The following MREG variants were observed in gnomAD, a reference collection of about 807,000 sequenced individuals.
MREG encodes the protein dilute suppressor protein homolog.
In MREG, 31 loss-of-function variants were observed where a neutral mutation model predicts 28.5. The ratio of observed to expected loss-of-function variants is 1.09; its 90% CI spans 0.82 to 1.47. The LOEUF (loss-of-function observed/expected upper bound fraction) is 1.47. Among genes scored for constraint, MREG ranks in the 40% most tolerant of loss-of-function variants. The probability of loss-of-function intolerance (pLI) is 0.00; values close to 1 mark genes in which losing one functional copy is unlikely to be tolerated. For synonymous variants in MREG, 106 were observed against 95.2 expected (o/e 1.11, Z -0.66); for missense variants, 256 against 257.4 (o/e 0.99, Z 0.04).
At chr2:215,993,938 A>G (rs1327699220) in intron 2 of MREG, among the ~76,000 whole-genome samples, 1 of 152,242 alleles carries the variant, frequency 6.6e-6, no homozygotes, top group African/African-American at 2.4e-5. Flanking sequence ...ATGTGGAGAA[A>G]TAGGAACACT....
At chr2:216,015,140 T>TGTGCGCGCATGTGTGCGCGCGTGCGG (rs55809422), upstream of MREG, among the ~76,000 whole-genome samples, 4 of 151,616 alleles carry the variant, frequency 2.6e-5, no homozygotes, top group African/African-American at 9.7e-5. Flanking sequence ...CGCGCGTGCG[T>TGTGCGCGCATGTGTGCGCGCGTGCGG]CTGTGCGTGC....
Position 216,009,696 on chromosome 2 carries a change from C to T in MREG, c.95+3537G>A, listed in dbSNP as rs1033975129. 5.9e-5 allele frequency among the ~76,000 whole-genome samples: 9 copies of T among 152,230 alleles called. No individual in the cohort carries two copies. In the East Asian group the frequency reaches 7.7e-4, roughly 13 times the overall value. On this transcript the variant is annotated intron_variant, in intron 1 of 4. Coordinates refer to ENST00000263268, the MANE Select transcript of MREG (RefSeq NM_018000.3). ...GATTACAGGTGCCCGCCACCACACCCGGCTAATTTTTTTTATTTTTAATAG... is the reference window on the plus strand; with the variant it reads ...GATTACAGGTGCCCGCCACCACACCTGGCTAATTTTTTTTATTTTTAATAG...
intron 1 of MREG, among the ~76,000 whole-genome samples, chr2:216,031,537 A>AGGAAGGAAGGAAAGAGGGAGGGAG (rs1553558781): frequency 2.0e-5 from 3 of 149,948 alleles, no homozygotes; most frequent in African/African-American, 7.4e-5. Context: ...AAAAGAAAGA[A>AGGAAGGAAGGAAAGAGGGAGGGAG]GGAAGGAAGG....
chr2:215,959,347 T>TCCCGC (rs3836039), intron 2 of MREG, among the ~76,000 whole-genome samples: 135,823 of 151,692 alleles, frequency 0.9, 60,859 homozygotes, highest in African/African-American at 0.91. Flanking sequence ...TCCATCATCC[T>TCCCGC]AAGTCACCCT....
chr2:215,985,523 ATGT>A (rs1301491329), intron 2 of MREG, among the ~76,000 whole-genome samples: 2 of 152,162 alleles, frequency 1.3e-5, no homozygotes, highest in Admixed American at 1.3e-4. Context: ...GATTTAAATA[ATGT>A]TGTTTTGTAT....
At chr2:215,995,689 A>G (rs948131152) in intron 2 of MREG, among the ~76,000 whole-genome samples, 2 of 152,224 alleles carry the variant, frequency 1.3e-5, no homozygotes, top group Non-Finnish European at 2.9e-5. Flanking sequence ...GGAGAAAAAA[A>G]GTATGATTGT....
At position 215,944,722 on chromosome 2, in the gene MREG, CTT is replaced by C. The variant is rs1300019210; in HGVS notation, c.*139_*140del. ...TGGGGCAGGGTCCTCAGATTAAAGACTTTACATTTATGTAGAATTCAGTATCA... is the reference window on the plus strand; with the variant it reads ...TGGGGCAGGGTCCTCAGATTAAAGACTACATTTATGTAGAATTCAGTATCA... On this transcript the variant is annotated 3_prime_UTR_variant, in exon 5 of 5. Coordinates refer to ENST00000263268, the MANE Select transcript of MREG (RefSeq NM_018000.3). 3.4e-6 allele frequency: 3 copies of C among 876,960 alleles called. No homozygotes were observed. The highest frequency in any genetic ancestry group is 5.9e-5 in the Admixed American group (2 of 33,730). The allele number at this position is 876,960 out of a possible 1,614,324, so 54.3% of individuals were successfully genotyped here.
intron 1 of MREG, among the ~76,000 whole-genome samples, chr2:215,999,378 G>T (rs530377597): frequency 2.0e-5 from 3 of 152,314 alleles, no homozygotes; most frequent in African/African-American, 7.2e-5. Context: ...GGGAGTAGGT[G>T]TAATTTTCAA....
chr2:215,949,447 G>T (rs1247251250), intron 2 of MREG, among the ~76,000 whole-genome samples: 2 of 151,702 alleles, frequency 1.3e-5, no homozygotes, highest in Non-Finnish European at 2.9e-5. Context: ...TGTGGTCCCA[G>T]CTACTCAGGA....
intron 1 of MREG, among the ~76,000 whole-genome samples, chr2:215,999,738 G>A (rs1373954864): frequency 2.6e-5 from 4 of 152,198 alleles, no homozygotes; most frequent in Non-Finnish European, 5.9e-5. Context: ...AGCCCATGGT[G>A]GGAGGCACAG....
At chr2:216,022,950 CG>C (rs1559201883) in intron 1 of MREG, among the ~76,000 whole-genome samples, 1 of 152,204 alleles carries the variant, frequency 6.6e-6, no homozygotes, top group Non-Finnish European at 1.5e-5. Context: ...GAAAGGCGAC[CG>C]GAGGCTTGCC....
chr2:215,944,270 GC>G lies in MREG; in HGVS notation c.*592del, dbSNP rs1553545833. ...TGGGATTACAGGCATGAGCCACCAC[GC>G]CCAGCCATTCCTTGTCATTTCTATC... is the stretch of plus-strand genomic sequence containing the variant. On this transcript the variant is annotated 3_prime_UTR_variant, in exon 5 of 5. Transcript: ENST00000263268. 1.3e-5 allele frequency: 2 copies of G among 152,078 alleles called. No individual in the cohort carries two copies. Among genetic ancestry groups the G allele is most frequent in the Non-Finnish European group, 2.9e-5 (2 of 68,082 alleles). The allele number at this position is 152,078 out of a possible 1,614,324, so 9.4% of individuals were successfully genotyped here.
intron 1 of MREG, among the ~76,000 whole-genome samples, chr2:216,011,279 C>T (rs757085263): frequency 1.7e-4 from 26 of 152,086 alleles, no homozygotes; most frequent in Non-Finnish European, 2.8e-4. Context: ...CACTGTTCCA[C>T]GTATCCATTA....
intron 1 of MREG, among the ~76,000 whole-genome samples, chr2:216,004,926 A>G (rs1443610679): frequency 6.6e-6 from 1 of 152,192 alleles, no homozygotes; most frequent in Non-Finnish European, 1.5e-5. Flanking sequence ...ATCTAAATAA[A>G]GTGAAGGAGT....
At chr2:215,986,602 C>T (rs1246071676) in intron 2 of MREG, among the ~76,000 whole-genome samples, 2 of 152,220 alleles carry the variant, frequency 1.3e-5, no homozygotes, top group Admixed American at 6.5e-5. Context: ...ATTATCCCTA[C>T]ATGTTAAGGG....
chr2:216,017,112 A>G (rs1395645961), upstream of MREG, among the ~76,000 whole-genome samples: 1 of 152,076 alleles, frequency 6.6e-6, no homozygotes, highest in Non-Finnish European at 1.5e-5. Flanking sequence ...ATAAACACAT[A>G]TGTGTACTTG....
intron 2 of MREG, among the ~76,000 whole-genome samples, chr2:215,995,419 T>C (rs1693840610): frequency 6.6e-6 from 1 of 152,116 alleles, no homozygotes; most frequent in South Asian, 2.1e-4. Context: ...CTAAAATATG[T>C]TTTTTTGGGA....
chr2:216,012,293 G>A (rs1419280523), intron 1 of MREG, among the ~76,000 whole-genome samples: 1 of 152,186 alleles, frequency 6.6e-6, no homozygotes, highest in Admixed American at 6.5e-5. Flanking sequence ...AATCAGAGTG[G>A]ACAGGCAGGA....
chr2:216,010,352 C>CTATTTTTTTTTTTTTT (rs1332869944), intron 1 of MREG, among the ~76,000 whole-genome samples: 1 of 75,634 alleles, frequency 1.3e-5, no homozygotes, highest in African/African-American at 4.9e-5. Flanking sequence ...GAAAAGATTT[C>CTATTTTTTTTTTTTTT]TCTTTTTTTT....
Sources: allele counts gnomAD v4.1 joint callset (sites outside exome capture counted in the v4.1 genomes callset), GRCh38; gene constraint gnomAD v4.1.1; transcripts MANE v1.5; gene names NCBI Gene and HGNC (gene_info 2026-07-23, HGNC 2026-07-21).